The following FNDC3A variants were observed in gnomAD, a reference collection of about 807,000 sequenced individuals.
FNDC3A encodes the protein fibronectin type-III domain-containing protein 3A.
In FNDC3A, 32 loss-of-function variants were observed where a neutral mutation model predicts 148.9. The observed-to-expected ratio is 0.21, with a 90% CI of 0.16 to 0.29. The LOEUF (loss-of-function observed/expected upper bound fraction) is 0.29, where lower values mean the gene tolerates loss of function less well. FNDC3A is among the 10% of genes least tolerant of loss of function. The pLI, the probability that FNDC3A is intolerant of heterozygous loss-of-function variation, is 1.00. For missense variants in FNDC3A, 1,191 were observed against 1,452.8 expected (o/e 0.82, Z 2.93); for synonymous variants, 472 against 473.6 (o/e 1.00, Z 0.04).
Position 49,199,985 on chromosome 13 carries a change from G to T in FNDC3A, c.2987+1411G>T, listed in dbSNP as rs561532278. 2.0e-5 allele frequency among the ~76,000 whole-genome samples: 3 copies of T among 152,208 alleles called. No homozygotes were observed. The East Asian group carries it at 5.8e-4, about 29-fold the overall frequency. On this transcript the variant is annotated intron_variant, in intron 23 of 25. Transcript: ENST00000492622. The stretch of plus-strand genomic sequence containing the variant: ...ATTACAGTGTTAACTCTGAATATTT[G>T]TAACAGTCATTCTAATGCCAACTAG...
chr13:49,145,827 C>G lies in FNDC3A; in HGVS notation c.869C>G (p.Ser290Cys), dbSNP rs1265040758. ...GTAGTACTTACCTGGTCACCACCTT[C>G]CAGCCTCATTAATGGTGAAACAGAT... Reference protein sequence around the residue: ...RTVVLTWSPPSSLINGETDES... With the variant: ...RTVVLTWSPPCSLINGETDES... The change falls in exon 8 of 26, where the codon TCC becomes TGC. Residue 290 changes from serine (S) to cysteine (C), a missense_variant. Transcript: ENST00000492622. 1.9e-6 allele frequency: 3 copies of G among 1,613,820 alleles called. No individual in the cohort carries two copies. The Admixed American group carries it at 5.0e-5, about 27-fold the overall frequency.
At chr13:49,193,522 A>G (rs1463744616) in intron 19 of FNDC3A, among the ~76,000 whole-genome samples, 1 of 152,146 alleles carries the variant, frequency 6.6e-6, no homozygotes, top group Non-Finnish European at 1.5e-5. Context: ...TTAGCCTCCC[A>G]AAGAGGTGGG....
intron 2 of FNDC3A, among the ~76,000 whole-genome samples, chr13:49,072,209 A>G (rs907820484): frequency 1.3e-5 from 2 of 152,036 alleles, no homozygotes; most frequent in African/African-American, 4.8e-5. Context: ...GAAATATGGA[A>G]CTGTAGTTTA....
At chr13:49,073,851 T>TACAC (rs1271420017) in intron 2 of FNDC3A, among the ~76,000 whole-genome samples, 1 of 141,006 alleles carries the variant, frequency 7.1e-6, no homozygotes. Context: ...TATATGTATA[T>TACAC]ACACACACAC....
intron 24 of FNDC3A, among the ~76,000 whole-genome samples, chr13:49,202,187 C>T (rs1049843638): frequency 1.3e-5 from 2 of 152,054 alleles, no homozygotes; most frequent in Non-Finnish European, 2.9e-5. Context: ...GCTTTTGTCA[C>T]TGATGTTTTT....
At chr13:49,176,646 GA>G (rs59009288) in intron 13 of FNDC3A, among the ~76,000 whole-genome samples, 21 of 149,870 alleles carry the variant, frequency 1.4e-4, no homozygotes, top group Non-Finnish European at 2.5e-4. Context: ...TAAAAAATCA[GA>G]AAAAAAAACA....
rs750453847 is a variant in FNDC3A at position 49,196,898 on chromosome 13, T to C, written c.2248T>C (p.Cys750Arg). 2 of 1,602,982 alleles carry C rather than the reference T, an allele frequency of 1.2e-6. No individual in the cohort carries two copies. The highest frequency in any genetic ancestry group is 1.7e-6 in the Non-Finnish European group (2 of 1,176,396). ...KMGFGPFSEK[C>R]DITTAPGPPD... is the part of the protein sequence containing the mutation. ...CTAGTTTGGACCATTTTCAGAAAAATGTGATATTACTACAGCCCCTGGGCC... is the reference window on the plus strand; with the variant it reads ...CTAGTTTGGACCATTTTCAGAAAAACGTGATATTACTACAGCCCCTGGGCC... Residue 750 changes from cysteine (C) to arginine (R), a missense_variant, in exon 20 of 26, where the codon TGT becomes CGT. This residue lies in a region of FNDC3A where 751 missense variants were observed against 944.0 expected (regional missense o/e 0.80). Transcript: ENST00000492622.
intron 4 of FNDC3A, among the ~76,000 whole-genome samples, chr13:49,126,250 T>C (rs543929904): frequency 3.4e-4 from 52 of 151,488 alleles, no homozygotes; most frequent in African/African-American, 1.2e-3. Flanking sequence ...GTCTACATCT[T>C]AGGTTTGGGG....
Position 49,173,632 on chromosome 13 carries a change from G to A in FNDC3A, c.1231-803G>A, listed in dbSNP as rs560372634. 1.4e-4 allele frequency among the ~76,000 whole-genome samples: 22 copies of A among 152,206 alleles called. No homozygotes were observed. The South Asian group carries it at 3.5e-3, about 24-fold the overall frequency. On this transcript the variant is annotated intron_variant, in intron 11 of 25. Coordinates refer to ENST00000492622, the MANE Select transcript of FNDC3A (RefSeq NM_001079673.2). ...AAAGTACAGTCATGGTGTCTGGCTC[G>A]GGGCAAAACTGTCATTATTTAGAGA... is the stretch of plus-strand genomic sequence containing the variant.
chr13:49,205,664 A>G (rs562816898), intron 25 of FNDC3A, among the ~76,000 whole-genome samples: 1 of 152,306 alleles, frequency 6.6e-6, no homozygotes, highest in African/African-American at 2.4e-5. Context: ...AACCTGTACC[A>G]TCTCCCAAAC....
chr13:49,182,696 C>T (rs1417651581), intron 14 of FNDC3A, among the ~76,000 whole-genome samples: 1 of 152,146 alleles, frequency 6.6e-6, no homozygotes, highest in Admixed American at 6.5e-5. Flanking sequence ...AAAACAGCTT[C>T]TATCTGGCTC....
At chr13:49,073,805 T>C (rs2137775689) in intron 2 of FNDC3A, among the ~76,000 whole-genome samples, 1 of 147,020 alleles carries the variant, frequency 6.8e-6, no homozygotes, top group South Asian at 2.1e-4. Context: ...TATATGTATA[T>C]ATATTATATA....
rs9568147 is a variant in FNDC3A, at chr13:49,067,393, G to T, written c.100-7896G>T. ...GATTGTTGGTTTGGCATTCTGTCTG[G>T]ATAGCCTCAGCCAACAAGTATTAAT... On this transcript the variant is annotated intron_variant, in intron 2 of 25. Transcript: ENST00000492622. Among the ~76,000 whole-genome samples the T allele has an allele frequency of 9.5e-4, 145 of 152,236 alleles. 2 individuals carry two copies. In the East Asian group the frequency reaches 0.021, roughly 22 times the overall value.
At chr13:49,135,182 G>A (rs917782226) in intron 5 of FNDC3A, among the ~76,000 whole-genome samples, 1 of 151,974 alleles carries the variant, frequency 6.6e-6, no homozygotes, top group Non-Finnish European at 1.5e-5. Context: ...TTGGAGAAAT[G>A]TCTATTTGAA....
intron 4 of FNDC3A, among the ~76,000 whole-genome samples, chr13:49,128,672 C>T (rs926422157): frequency 2.6e-5 from 4 of 152,152 alleles, no homozygotes; most frequent in African/African-American, 7.2e-5. Context: ...TAGCCTGTGT[C>T]GTGGTGCCTG....
chr13:49,011,004 A>G (rs905703935), intron 2 of FNDC3A, among the ~76,000 whole-genome samples: 3 of 152,060 alleles, frequency 2.0e-5, no homozygotes, highest in Admixed American at 6.6e-5. Context: ...ATCAGATTCT[A>G]TTATGTGTGA....
intron 2 of FNDC3A, among the ~76,000 whole-genome samples, chr13:49,026,763 A>AG (rs1334357595): frequency 1.3e-5 from 2 of 152,260 alleles, no homozygotes; most frequent in East Asian, 3.9e-4. Context: ...CCTCGATAGA[A>AG]GGTTTTGAGT....
At chr13:49,173,086 A>G (rs1884845649) in intron 11 of FNDC3A, among the ~76,000 whole-genome samples, 1 of 152,260 alleles carries the variant, frequency 6.6e-6, no homozygotes, top group South Asian at 2.1e-4. Context: ...GCCACATTCA[A>G]AGCTGTCCTG....
At chr13:49,019,178 A>G (rs1174878856) in intron 2 of FNDC3A, among the ~76,000 whole-genome samples, 2 of 152,208 alleles carry the variant, frequency 1.3e-5, no homozygotes, top group South Asian at 2.1e-4. Flanking sequence ...AGCCTGGGCA[A>G]TGGCGGGCGC....
Sources: allele counts gnomAD v4.1 joint callset (sites outside exome capture counted in the v4.1 genomes callset), GRCh38; gene constraint gnomAD v4.1.1; regional missense constraint gnomAD v4.1.1; transcripts MANE v1.5; gene names NCBI Gene and HGNC (gene_info 2026-07-23, HGNC 2026-07-21).